Variants in CHN2 observed in about 807,000 individuals in gnomAD.
CHN2 encodes the protein chimerin 2.
Under a neutral mutation model 56.3 loss-of-function variants are expected in CHN2, and 35 were observed. The ratio of observed to expected loss-of-function variants is 0.62; its 90% CI spans 0.47 to 0.82. The LOEUF (loss-of-function observed/expected upper bound fraction) is 0.82, where lower values mean the gene tolerates loss of function less well. Among genes scored for constraint, CHN2 ranks in the 40% least tolerant of loss-of-function variants. The pLI, the probability that CHN2 is intolerant of heterozygous loss-of-function variation, is 0.00. For missense variants in CHN2, 491 were observed against 580.5 expected (o/e 0.85, Z 1.58); for synonymous variants, 210 against 212.8 (o/e 0.99, Z 0.12).
At chr7:29,440,565 C>T (rs1044630074) in intron 6 of CHN2, among the ~76,000 whole-genome samples, 2 of 151,784 alleles carry the variant, frequency 1.3e-5, no homozygotes, top group African/African-American at 4.8e-5. Flanking sequence ...GTGGCACATG[C>T]CTGTAATCCC....
At chr7:29,364,027 A>G (rs748790376) in intron 2 of CHN2, among the ~76,000 whole-genome samples, 10 of 152,094 alleles carry the variant, frequency 6.6e-5, no homozygotes, top group Admixed American at 5.9e-4. Context: ...TAAACCAACA[A>G]ACAGACCAGG....
intron 1 of CHN2, among the ~76,000 whole-genome samples, chr7:29,225,610 C>T (rs1263442154): frequency 1.3e-5 from 2 of 152,168 alleles, no homozygotes; most frequent in Non-Finnish European, 2.9e-5. Context: ...AGTTTAGCAT[C>T]GCTCTTCGTT....
At chr7:29,289,540 G>A (rs191837800) in intron 1 of CHN2, among the ~76,000 whole-genome samples, 90 of 152,278 alleles carry the variant, frequency 5.9e-4, no homozygotes, top group Middle Eastern at 3.4e-3. Flanking sequence ...GAAAACAGGC[G>A]AACATTGGAT....
chr7:29,392,844 A>T (rs1262902484), intron 3 of CHN2, among the ~76,000 whole-genome samples: 1 of 152,214 alleles, frequency 6.6e-6, no homozygotes, highest in Admixed American at 6.5e-5. Flanking sequence ...GAATAAACAT[A>T]AACTTGCTGT....
chr7:29,197,049 C>A lies in CHN2; in HGVS notation c.49+2059C>A, dbSNP rs1381329101. On this transcript the variant is annotated intron_variant, in intron 1 of 12. Transcript: ENST00000222792. The stretch of plus-strand genomic sequence containing the variant: ...AGCATTGTAGTTCTCTTTTAAAGCA[C>A]ACTTACCATTGTGTGGATCATGAAT... 7.9e-5 allele frequency among the ~76,000 whole-genome samples: 12 copies of A among 152,198 alleles called. No individual in the cohort carries two copies. The East Asian group carries it at 1.9e-3, about 24-fold the overall frequency.
intron 1 of CHN2, among the ~76,000 whole-genome samples, chr7:29,208,353 G>A (rs903379392): frequency 3.3e-5 from 5 of 152,124 alleles, no homozygotes; most frequent in Non-Finnish European, 5.9e-5. Context: ...GCCCCTTCAC[G>A]GGAGTGTGAA....
chr7:29,265,424 G>A (rs776933707), intron 1 of CHN2, among the ~76,000 whole-genome samples: 15 of 152,166 alleles, frequency 9.9e-5, no homozygotes, highest in East Asian at 1.9e-4. Flanking sequence ...TGGAAACCTC[G>A]TGCTCTTTTG....
intron 1 of CHN2, among the ~76,000 whole-genome samples, chr7:29,252,599 T>G (rs1209998874): frequency 1.9e-5 from 1 of 53,760 alleles, no homozygotes. Flanking sequence ...TTTTTTTTTT[T>G]TTTTTTTGAG....
intron 6 of CHN2, among the ~76,000 whole-genome samples, chr7:29,459,303 C>T (rs1784980157): frequency 6.6e-6 from 1 of 152,202 alleles, no homozygotes; most frequent in South Asian, 2.1e-4. Context: ...ACTTCTTTCT[C>T]CTTTGCCACT....
intron 2 of CHN2, among the ~76,000 whole-genome samples, chr7:29,180,002 C>A (rs2128740961): frequency 6.6e-6 from 1 of 152,272 alleles, no homozygotes; most frequent in African/African-American, 2.4e-5. Flanking sequence ...TATTTCCCTG[C>A]AGACAGTGGA....
intron 7 of CHN2, among the ~76,000 whole-genome samples, chr7:29,481,618 GAATATTGACAGGTCT>G (rs1402198501): frequency 1.3e-5 from 2 of 148,352 alleles, no homozygotes; most frequent in Non-Finnish European, 3.0e-5. Flanking sequence ...TCCCGTCACT[GAATATTGACAGGTCT>G]AATTTGGAGC....
intron 1 of CHN2, among the ~76,000 whole-genome samples, chr7:29,320,309 C>T (rs1795240837): frequency 6.6e-6 from 1 of 152,108 alleles, no homozygotes; most frequent in Admixed American, 6.5e-5. Context: ...CTAATTTTTG[C>T]AGTCTCTGTC....
chr7:29,337,591 C>A (rs1424353631), intron 1 of CHN2, among the ~76,000 whole-genome samples: 15 of 152,184 alleles, frequency 9.9e-5, no homozygotes. Context: ...TAATCATAGA[C>A]CTACTGATGC....
In CHN2 at chr7:29,509,326, G is replaced by A. The variant is rs1436009197; in HGVS notation, c.1155G>A (p.Leu385=). 1 of 1,614,002 alleles carries A rather than the reference G, an allele frequency of 6.2e-7. No homozygotes were observed. Among genetic ancestry groups the A allele is most frequent in the African/African-American group, 1.3e-5 (1 of 75,068 alleles). The change falls in exon 12 of 13, where the codon CTG becomes CTA. Residue 385 remains leucine, a synonymous_variant. Transcript: ENST00000222792. ...AAKISNADER[L]EAVHEVLMLL... ...AAATCTCCAATGCAGATGAGAGGCT[G>A]GAAGCCGTCCATGAAGTGCTGATGC...
intron 1 of CHN2, among the ~76,000 whole-genome samples, chr7:29,316,093 T>C (rs1197279609): frequency 6.6e-6 from 1 of 152,320 alleles, no homozygotes; most frequent in Middle Eastern, 3.4e-3. Context: ...AGCTGTCAAA[T>C]GGACAGGTTG....
At chr7:29,368,016 T>C in intron 3 of CHN2, 29 bp downstream of exon 3, 1 of 1,580,484 alleles carries the variant, frequency 6.3e-7, no homozygotes. Context: ...CCAATACACC[T>C]TGTTAAATAT....
At chr7:29,215,772 C>T (rs1302071056) in intron 1 of CHN2, among the ~76,000 whole-genome samples, 1 of 151,852 alleles carries the variant, frequency 6.6e-6, no homozygotes, top group Non-Finnish European at 1.5e-5. Flanking sequence ...TTCAATTTCT[C>T]AGGGAAAGAA....
intron 2 of CHN2, among the ~76,000 whole-genome samples, chr7:29,362,775 C>A (rs996237008): frequency 6.6e-6 from 1 of 152,226 alleles, no homozygotes; most frequent in African/African-American, 2.4e-5. Flanking sequence ...CACTTGAGTA[C>A]ATTGAATAGC....
At chr7:29,149,160 A>G (rs1023057546) in intron 2 of CHN2, among the ~76,000 whole-genome samples, 6 of 151,510 alleles carry the variant, frequency 4.0e-5, no homozygotes, top group Admixed American at 2.0e-4. Flanking sequence ...GATGTTGTTC[A>G]AAATTAGTAG....
Sources: allele counts gnomAD v4.1 joint callset (sites outside exome capture counted in the v4.1 genomes callset), GRCh38; gene constraint gnomAD v4.1.1; transcripts MANE v1.5; gene names NCBI Gene and HGNC (gene_info 2026-07-23, HGNC 2026-07-21).